The following FETUB variants were observed in gnomAD, a reference collection of about 807,000 sequenced individuals.
FETUB encodes the protein fetuin B.
In FETUB, 28 loss-of-function variants were observed where a neutral mutation model predicts 30.9. The observed-to-expected ratio is 0.90, with a 90% CI of 0.67 to 1.24. The LOEUF is 1.24. FETUB is among the 50% of genes most tolerant of loss of function. The pLI, the probability that FETUB is intolerant of heterozygous loss-of-function variation, is 0.00. For synonymous variants in FETUB, 186 were observed against 175.9 expected (o/e 1.06, Z -0.45); for missense variants, 469 against 455.3 (o/e 1.03, Z -0.27).
Position 186,650,544 on chromosome 3 carries a change from C to T in FETUB, c.697-674C>T, listed in dbSNP as rs1418126335. Among the ~76,000 whole-genome samples, 6 of 151,840 alleles carry T rather than the reference C, an allele frequency of 4.0e-5. No homozygotes were observed. In the South Asian group the frequency reaches 1.2e-3, roughly 32 times the overall value. ...AAAAACCCTAGAAGATCATTCAATG[C>T]CATAAGAGGGTTTTTACAATATATT... is the stretch of plus-strand genomic sequence containing the variant. On this transcript the variant is annotated intron_variant, in intron 5 of 6. Transcript: ENST00000265029.
chr3:186,640,293 C>T, upstream of FETUB: 1 of 631,530 alleles, frequency 1.6e-6, no homozygotes, highest in Non-Finnish European at 2.8e-6. Flanking sequence ...TTGGGAAATG[C>T]TATCCAAAGT....
At chr3:186,636,211 T>G (rs372565790), upstream of FETUB, 10 of 152,348 alleles carry the variant, frequency 6.6e-5, no homozygotes, top group East Asian at 1.7e-3. Context: ...TGACATCTTT[T>G]CATAAACCAG....
At chr3:186,647,400 C>T (rs1717640006) in intron 5 of FETUB, among the ~76,000 whole-genome samples, 1 of 152,080 alleles carries the variant, frequency 6.6e-6, no homozygotes, top group Admixed American at 6.6e-5. Flanking sequence ...CATGTTTAAC[C>T]CTTTCACTGC....
chr3:186,652,223 T>C, intron 6 of FETUB, 40 bp from the exon 7 acceptor site: 1 of 1,524,142 alleles, frequency 6.6e-7, no homozygotes, highest in Non-Finnish European at 8.8e-7. Flanking sequence ...GGGAGGACTT[T>C]CCCTGTGGAA....
upstream of FETUB, among the ~76,000 whole-genome samples, chr3:186,637,406 A>G (rs1716806979): frequency 6.6e-6 from 1 of 152,228 alleles, no homozygotes; most frequent in African/African-American, 2.4e-5. Flanking sequence ...CCCTTAGGCC[A>G]AGACTTGGTA....
chr3:186,652,159 C>A, intron 6 of FETUB, 104 bp from the exon 7 acceptor site: 2 of 1,356,944 alleles, frequency 1.5e-6, no homozygotes, highest in Non-Finnish European at 2.0e-6. Context: ...CCTAGTCTCC[C>A]TTTGAAATGT....
intron 5 of FETUB, among the ~76,000 whole-genome samples, chr3:186,650,950 A>G (rs56221322): frequency 0.13 from 19,264 of 152,212 alleles, 1,443 homozygotes; most frequent in East Asian, 0.24. Flanking sequence ...TATGGACATA[A>G]CTTTCCACTC....
chr3:186,642,995 C>T (rs1163971621), intron 3 of FETUB, among the ~76,000 whole-genome samples: 1 of 152,162 alleles, frequency 6.6e-6, no homozygotes, highest in Non-Finnish European at 1.5e-5. Flanking sequence ...GCATGCCCTC[C>T]CCTGATGACC....
chr3:186,637,958 G>A (rs73061448), upstream of FETUB, among the ~76,000 whole-genome samples: 779 of 152,308 alleles, frequency 5.1e-3, 9 homozygotes, highest in African/African-American at 0.017. Context: ...ACTCTTGAGC[G>A]TCTTAACTGT....
chr3:186,639,170 T>C (rs1378243747), upstream of FETUB, among the ~76,000 whole-genome samples: 1 of 152,092 alleles, frequency 6.6e-6, no homozygotes, highest in Non-Finnish European at 1.5e-5. Flanking sequence ...TCATGCTACA[T>C]CATAACATGG....
chr3:186,649,585 C>T (rs565901646), intron 5 of FETUB, among the ~76,000 whole-genome samples: 6 of 152,278 alleles, frequency 3.9e-5, no homozygotes, highest in Admixed American at 1.3e-4. Context: ...ATTCTCCTGC[C>T]TCAACAACCC....
chr3:186,640,467 C>A lies in FETUB; in HGVS notation c.7C>A (p.Leu3Met), dbSNP rs777734532. MG[L>M]LLPLALCILV... The stretch of plus-strand genomic sequence containing the variant: ...GGGCCTTGTTCTCCACAGAATGGGT[C>A]TGCTCCTTCCCCTGGCACTCTGCAT... The change falls in exon 1 of 7, where the codon CTG becomes ATG. Residue 3 changes from leucine to methionine, a missense_variant. Coordinates refer to ENST00000265029, the MANE Select transcript of FETUB (RefSeq NM_014375.3). 2 of 1,613,980 alleles carry A rather than the reference C, an allele frequency of 1.2e-6. No homozygotes were observed. The highest frequency in any genetic ancestry group is 4.5e-5 in the East Asian group (2 of 44,884).
rs773072487 is a variant in FETUB at position 186,640,684 on chromosome 3, G to T, written c.224G>T (p.Arg75Leu). The change falls in exon 1 of 7, where the codon CGG (arginine) becomes CTG (leucine). Residue 75 changes from arginine (R) to leucine (L), a missense_variant and splice_region_variant. Transcript: ENST00000265029. ...GTGAACGACGCCCAGGAATACAGAC[G>T]GGCAAGTAGGGACAGTTCCCACTCT... is the stretch of plus-strand genomic sequence containing the variant. ...NRVNDAQEYR[R>L]GGLGSLFYLT... The T allele has an allele frequency of 1.2e-6, 2 of 1,611,634 alleles. No homozygotes were observed. Among genetic ancestry groups the T allele is most frequent in the South Asian group, 1.1e-5 (1 of 91,010 alleles).
In FETUB at chr3:186,652,805, C is replaced by T. The variant is rs1043920182; in HGVS notation, c.*174C>T. ...ATTGGAAATAATGAGACTGAGCCCT[C>T]GGCTTGGGCTGCACTCTACCCTGTA... is the stretch of plus-strand genomic sequence containing the variant. On this transcript the variant is annotated 3_prime_UTR_variant, in exon 7 of 7. Coordinates refer to ENST00000265029, the MANE Select transcript of FETUB (RefSeq NM_014375.3). 2 of 734,840 alleles carry T rather than the reference C, an allele frequency of 2.7e-6. No homozygotes were observed. Among genetic ancestry groups the T allele is most frequent in the African/African-American group, 1.8e-5 (1 of 56,578 alleles). The allele number at this position is 734,840 out of a possible 1,614,324, so 45.5% of individuals were successfully genotyped here. A position where few individuals can be genotyped will look rare whatever the true frequency, so the allele number is the denominator to read the frequency against.
chr3:186,650,260 T>G (rs1454946993), intron 5 of FETUB, among the ~76,000 whole-genome samples: 1 of 152,068 alleles, frequency 6.6e-6, no homozygotes, highest in African/African-American at 2.4e-5. Context: ...TTAGTAAATT[T>G]TATGTGGATA....
At chr3:186,641,227 C>G in intron 2 of FETUB, 87 bp downstream of exon 2, 1 of 778,716 alleles carries the variant, frequency 1.3e-6, no homozygotes, top group South Asian at 1.5e-5. Context: ...TGCTCAATAT[C>G]TGTCATCTTT....
Position 186,644,809 on chromosome 3 carries a change from C to T in FETUB, c.483C>T (p.Asp161=). Reference sequence around the variant, plus strand: ...ACTGCCCAAGCTCCATACCCACTGACTCTTCCAATCACCAAGTGCTGGAGG... The same window carrying T: ...ACTGCCCAAGCTCCATACCCACTGATTCTTCCAATCACCAAGTGCTGGAGG... ...CPDCPSSIPT[D]SSNHQVLEAA... The change falls in exon 4 of 7, where the codon GAC becomes GAT. Residue 161 remains aspartate (D), a synonymous_variant. Transcript: ENST00000265029. The T allele has an allele frequency of 6.2e-7, 1 of 1,613,944 alleles. No homozygotes were observed. The highest frequency in any genetic ancestry group is 8.5e-7 in the Non-Finnish European group (1 of 1,179,942).
At chr3:186,639,810 T>C (rs569044271), upstream of FETUB, among the ~76,000 whole-genome samples, 12 of 152,176 alleles carry the variant, frequency 7.9e-5, no homozygotes, top group Non-Finnish European at 1.6e-4. Flanking sequence ...AGGCTTGAAA[T>C]ACAATGTGAG....
At chr3:186,645,766 C>T (rs911102060) in intron 4 of FETUB, among the ~76,000 whole-genome samples, 9 of 119,510 alleles carry the variant, frequency 7.5e-5, no homozygotes, top group East Asian at 2.7e-4. Flanking sequence ...CTCACTCTAT[C>T]GCTAGGATAG....
Sources: gnomAD v4.1 joint callset for allele counts (sites outside exome capture counted in the v4.1 genomes callset) on GRCh38, gnomAD v4.1.1 for gene constraint, MANE v1.5 for transcripts, NCBI Gene and HGNC (gene_info 2026-07-23, HGNC 2026-07-21) for gene names.